ZNF131: variants seen among roughly 807,000 people sequenced by gnomAD.
The protein encoded by ZNF131 is zinc finger and BTB domain containing 35.
A neutral mutation model predicts 60.0 loss-of-function variants in ZNF131; 7 were observed. That is an observed-to-expected ratio of 0.12 (90% confidence interval 0.07 to 0.22). The LOEUF is 0.22. Among genes scored for constraint, ZNF131 ranks in the 10% least tolerant of loss-of-function variants. The pLI is 1.00. For synonymous variants in ZNF131, 257 were observed against 253.2 expected (o/e 1.01, Z -0.14); for missense variants, 493 against 740.9 (o/e 0.67, Z 3.88).
chr5:43,140,164 C>T (rs530957510), intron 4 of ZNF131, among the ~76,000 whole-genome samples: 3 of 152,154 alleles, frequency 2.0e-5, no homozygotes, highest in Non-Finnish European at 4.4e-5. Flanking sequence ...GTGGCTGCAG[C>T]GAGCTGTGAT....
chr5:43,152,096 A>G (rs968724086), intron 4 of ZNF131, among the ~76,000 whole-genome samples: 1 of 151,854 alleles, frequency 6.6e-6, no homozygotes, highest in African/African-American at 2.4e-5. Flanking sequence ...TCTACCTCCC[A>G]GGTTCAAGTG....
chr5:43,150,310 C>T (rs1748136369), intron 4 of ZNF131, among the ~76,000 whole-genome samples: 1 of 152,184 alleles, frequency 6.6e-6, no homozygotes, highest in Admixed American at 6.5e-5. Context: ...GTACAGACAA[C>T]TTTGAAAAGA....
intron 5 of ZNF131, among the ~76,000 whole-genome samples, chr5:43,162,956 T>C (rs1383304108): frequency 9.6e-6 from 1 of 103,908 alleles, no homozygotes; most frequent in African/African-American, 3.0e-5. Flanking sequence ...TATACTTCTT[T>C]TCTTTTATTT....
At chr5:43,162,997 A>C (rs1365769920) in intron 5 of ZNF131, among the ~76,000 whole-genome samples, 1 of 28,670 alleles carries the variant, frequency 3.5e-5, no homozygotes, top group Non-Finnish European at 6.7e-5. Flanking sequence ...TGGCAGATGG[A>C]GTCTCGCTCT....
chr5:43,161,533 G>C lies in ZNF131; in HGVS notation c.656G>C (p.Ser219Thr), dbSNP rs760487282. 2 of 1,614,258 alleles carry C rather than the reference G, an allele frequency of 1.2e-6. No individual in the cohort carries two copies. Among genetic ancestry groups the C allele is most frequent in the Admixed American group, 3.3e-5 (2 of 60,034 alleles). ...CTAGCACTGTTGGCAGATATTACCAGCAAGTACCGTCAAGGTGACAGAAAA... is the reference window on the plus strand; with the variant it reads ...CTAGCACTGTTGGCAGATATTACCACCAAGTACCGTCAAGGTGACAGAAAA... ...SALALLADIT[S>T]KYRQGDRKGQ... is the part of the protein sequence containing the mutation. Residue 219 changes from serine (S) to threonine (T), a missense_variant, in exon 5 of 7, where the codon AGC becomes ACC. Physicochemically the swap from Ser to Thr is moderately conservative, Grantham distance 58. Around this residue, in one of 7 missense-constraint regions of ZNF131, gnomAD observed 138 missense variants for 158.7 expected, o/e 0.87. Coordinates refer to ENST00000682664, the MANE Select transcript of ZNF131 (RefSeq NM_001330707.2).
intron 3 of ZNF131, among the ~76,000 whole-genome samples, chr5:43,134,452 A>C (rs967427924): frequency 6.6e-6 from 1 of 152,150 alleles, no homozygotes; most frequent in Non-Finnish European, 1.5e-5. Flanking sequence ...AAGGAACAAG[A>C]CAAGGATGCC....
chr5:43,143,827 G>A (rs1747170232), intron 4 of ZNF131, among the ~76,000 whole-genome samples: 1 of 143,880 alleles, frequency 7.0e-6, no homozygotes, highest in African/African-American at 2.6e-5. Flanking sequence ...AGTTGCTAAG[G>A]TCTTTCCTGG....
chr5:43,135,475 A>G (rs1254843962), intron 3 of ZNF131, among the ~76,000 whole-genome samples: 2 of 151,174 alleles, frequency 1.3e-5, no homozygotes, highest in Non-Finnish European at 1.5e-5. Flanking sequence ...TGGGCTGGGC[A>G]CAGTGGCTCA....
chr5:43,139,189 A>G lies in ZNF131; in HGVS notation c.251A>G (p.His84Arg), dbSNP rs371445795. 5.0e-6 allele frequency: 8 copies of G among 1,606,230 alleles called. No homozygotes were observed. Among genetic ancestry groups the G allele is most frequent in the Admixed American group, 1.7e-5 (1 of 58,560 alleles). The change falls in exon 4 of 7, where the codon CAT becomes CGT. Residue 84 changes from histidine to arginine, a missense_variant. His to Arg is a conservative substitution (Grantham distance 29, BLOSUM62 0). Coordinates refer to ENST00000682664, the MANE Select transcript of ZNF131 (RefSeq NM_001330707.2). ...IEGVSKMAFR[H>R]LIEFTYTAKL... ...GGTGTTAGTAAAATGGCCTTTCGCCATTTAATTGAGTTCACATATACAGCA... is the reference window on the plus strand; with the variant it reads ...GGTGTTAGTAAAATGGCCTTTCGCCGTTTAATTGAGTTCACATATACAGCA...
intron 5 of ZNF131, among the ~76,000 whole-genome samples, chr5:43,163,355 C>G (rs1258924073): frequency 6.6e-6 from 1 of 152,212 alleles, no homozygotes; most frequent in Non-Finnish European, 1.5e-5. Context: ...GTTCATCTCT[C>G]TCCACCTTTT....
chr5:43,125,513 G>C (rs1744421760), intron 3 of ZNF131, among the ~76,000 whole-genome samples: 1 of 151,414 alleles, frequency 6.6e-6, no homozygotes, highest in African/African-American at 2.4e-5. Context: ...GGATGCGGTG[G>C]CTCACGCCTG....
intron 4 of ZNF131, among the ~76,000 whole-genome samples, chr5:43,141,799 C>T (rs766258270): frequency 4.6e-5 from 7 of 151,246 alleles, no homozygotes; most frequent in Non-Finnish European, 8.8e-5. Flanking sequence ...TCCAATAGTA[C>T]CTAAAACAAT....
intron 4 of ZNF131, among the ~76,000 whole-genome samples, chr5:43,152,988 C>T (rs538836188): frequency 6.6e-6 from 1 of 152,164 alleles, no homozygotes; most frequent in African/African-American, 2.4e-5. Flanking sequence ...GCAAGATTGT[C>T]ATTCCTCCTT....
At chr5:43,139,411 C>A in intron 4 of ZNF131, 102 bp downstream of exon 4, 1 of 1,204,152 alleles carries the variant, frequency 8.3e-7, no homozygotes, top group Non-Finnish European at 1.1e-6. Context: ...GAACAGAGTT[C>A]TTCAGAAGAA....
chr5:43,136,602 G>A (rs77422760), intron 3 of ZNF131, among the ~76,000 whole-genome samples: 14,333 of 143,882 alleles, frequency 0.1, 815 homozygotes, highest in East Asian at 0.19. Context: ...TTACAGGTGC[G>A]TGCCACCACC....
intron 4 of ZNF131, among the ~76,000 whole-genome samples, chr5:43,150,204 C>A (rs1345044405): frequency 1.3e-5 from 2 of 152,142 alleles, no homozygotes; most frequent in African/African-American, 2.4e-5. Context: ...ACCTGCCTAA[C>A]CTTTGCTGTA....
chr5:43,146,234 G>A (rs544775748), intron 4 of ZNF131, among the ~76,000 whole-genome samples: 4 of 152,262 alleles, frequency 2.6e-5, no homozygotes, highest in South Asian at 2.1e-4. Context: ...CTTTCTGAAC[G>A]ACACCGAAAA....
intron 3 of ZNF131, chr5:43,124,397 A>C (rs1744249146): frequency 6.6e-6 from 1 of 150,984 alleles, no homozygotes; most frequent in African/African-American, 2.4e-5. Context: ...TTTGTTCTGA[A>C]TGGGTTGCCT....
intron 4 of ZNF131, among the ~76,000 whole-genome samples, chr5:43,155,495 CA>C (rs1748847671): frequency 6.6e-6 from 1 of 152,192 alleles, no homozygotes; most frequent in Non-Finnish European, 1.5e-5. Context: ...TCTACAAAAG[CA>C]TCAGGCTCAG....
Sources: allele counts gnomAD v4.1 joint callset (sites outside exome capture counted in the v4.1 genomes callset), GRCh38; gene constraint gnomAD v4.1.1; regional missense constraint gnomAD v4.1.1; transcripts MANE v1.5; gene names NCBI Gene and HGNC (gene_info 2026-07-23, HGNC 2026-07-21).